Variants in CHRDL1 observed in about 807,000 individuals in gnomAD.
The protein encoded by CHRDL1 is chordin like 1.
Under a neutral mutation model 40.9 loss-of-function variants are expected in CHRDL1, and 19 were observed. The ratio of observed to expected loss-of-function variants is 0.46; its 90% CI spans 0.32 to 0.68. The LOEUF is 0.68. Among genes scored for constraint, CHRDL1 ranks in the 30% least tolerant of loss-of-function variants. The pLI is 0.03. For missense variants in CHRDL1, 329 were observed against 352.1 expected, an observed-to-expected ratio of 0.93 and a Z score of 0.53; for synonymous variants, 136 against 123.4, an observed-to-expected ratio of 1.10 and a Z score of -0.68.
At chrX:110,736,832 G>A (rs926890575) in intron 4 of CHRDL1, among the ~76,000 whole-genome samples, 4 of 112,126 alleles carry the variant, frequency 3.6e-5, no homozygotes, top group African/African-American at 1.3e-4. Flanking sequence ...CTTACACTGA[G>A]CTGGTTCTGT....
At chrX:110,691,521 C>A (rs1325786208) in intron 8 of CHRDL1, among the ~76,000 whole-genome samples, 1 of 110,372 alleles carries the variant, frequency 9.1e-6, no homozygotes, top group African/African-American at 3.3e-5. Flanking sequence ...GTTGGCATCC[C>A]AATCAACAAC....
intron 4 of CHRDL1, among the ~76,000 whole-genome samples, chrX:110,756,767 A>T (rs2089461103): frequency 8.9e-6 from 1 of 112,152 alleles, no homozygotes; most frequent in Non-Finnish European, 1.9e-5. Flanking sequence ...GTAGAAAACC[A>T]AGGAAAATTC....
intron 4 of CHRDL1, among the ~76,000 whole-genome samples, chrX:110,735,287 A>T (rs1308325129): frequency 8.9e-6 from 1 of 112,031 alleles, no homozygotes; most frequent in Non-Finnish European, 1.9e-5. Flanking sequence ...GTCCCTTTCA[A>T]TATGTTAAAA....
chrX:110,746,118 G>T, intron 4 of CHRDL1, among the ~76,000 whole-genome samples: 1 of 111,139 alleles, frequency 9.0e-6, no homozygotes, highest in Middle Eastern at 4.6e-3. Context: ...GGGCAGAAAG[G>T]GTGTGTGTGT....
intron 4 of CHRDL1, among the ~76,000 whole-genome samples, chrX:110,740,713 A>C (rs942872022): frequency 6.3e-5 from 7 of 111,801 alleles, no homozygotes; most frequent in Non-Finnish European, 1.3e-4. Flanking sequence ...TCTCTTCCCC[A>C]AAAGAATGGA....
At chrX:110,737,017 T>C (rs997988138) in intron 4 of CHRDL1, among the ~76,000 whole-genome samples, 13 of 112,129 alleles carry the variant, frequency 1.2e-4, no homozygotes, top group African/African-American at 4.2e-4. Context: ...GGATTTTCCA[T>C]TATCTGAAAC....
intron 8 of CHRDL1, among the ~76,000 whole-genome samples, chrX:110,691,925 CT>C (rs376931792): frequency 5.1e-3 from 520 of 101,448 alleles, no homozygotes; most frequent in South Asian, 9.7e-3. Flanking sequence ...GCCCTTACCT[CT>C]TTTTTTTTTT....
At chrX:110,699,487 A>G (rs1272351084) in intron 7 of CHRDL1, among the ~76,000 whole-genome samples, 1 of 112,263 alleles carries the variant, frequency 8.9e-6, no homozygotes, top group Admixed American at 9.5e-5. Flanking sequence ...TTTTATTACA[A>G]AACTAATTGA....
chrX:110,683,569 A>C (rs2069945710), intron 9 of CHRDL1, among the ~76,000 whole-genome samples: 1 of 112,126 alleles, frequency 8.9e-6, no homozygotes, highest in African/African-American at 3.2e-5. Context: ...ATGGAAATTC[A>C]AGGTATTGGG....
intron 9 of CHRDL1, among the ~76,000 whole-genome samples, chrX:110,686,655 C>T (rs1258357034): frequency 9.1e-6 from 1 of 109,703 alleles, no homozygotes; most frequent in African/African-American, 3.3e-5. Context: ...TGGCCGGATA[C>T]AGTGGCTCAC....
chrX:110,689,656 C>CTATAT lies in CHRDL1; in HGVS notation c.779-854_779-853insATATA, dbSNP rs1556331677. Among the ~76,000 whole-genome samples, 11 of 10,494 alleles carry CTATAT rather than the reference C, an allele frequency of 1.0e-3. 1 individual carries two copies. Among genetic ancestry groups the CTATAT allele is most frequent in the African/African-American group, 4.9e-3 (3 of 613 alleles). The allele number at this position is 10,494 out of a possible 115,157, so 9.1% of individuals were successfully genotyped here. A position where few individuals can be genotyped will look rare whatever the true frequency, so the allele number is the denominator to read the frequency against. On this transcript the variant is annotated intron_variant, in intron 8 of 11. Coordinates refer to ENST00000372042, the MANE Select transcript of CHRDL1 (RefSeq NM_001143981.2). ...TATATATCTATATATATCTATATAT[C>CTATAT]ATCTATATATCTATATATCTATATA...
chrX:110,764,487 T>C (rs1291328402), intron 2 of CHRDL1, among the ~76,000 whole-genome samples: 1 of 112,340 alleles, frequency 8.9e-6, no homozygotes, highest in Non-Finnish European at 1.9e-5. Flanking sequence ...GTTATCTTCG[T>C]AAGCTAAGGA....
At chrX:110,712,963 C>T (rs945749067) in intron 6 of CHRDL1, among the ~76,000 whole-genome samples, 2 of 106,910 alleles carry the variant, frequency 1.9e-5, no homozygotes, top group Non-Finnish European at 3.8e-5. Flanking sequence ...TAGACCCCTA[C>T]AGCCTGGGGA....
chrX:110,732,582 C>T (rs1164919260), intron 4 of CHRDL1, among the ~76,000 whole-genome samples: 1 of 111,728 alleles, frequency 9.0e-6, no homozygotes, highest in Non-Finnish European at 1.9e-5. Flanking sequence ...TCATCCGGAC[C>T]CCATCTGCAG....
At chrX:110,711,123 T>C (rs1200414254) in intron 6 of CHRDL1, among the ~76,000 whole-genome samples, 3 of 112,089 alleles carry the variant, frequency 2.7e-5, no homozygotes, top group African/African-American at 9.7e-5. Context: ...TTTCTAAAAT[T>C]TGTAATTTTT....
At chrX:110,768,768 T>C (rs2089705719) in intron 2 of CHRDL1, among the ~76,000 whole-genome samples, 3 of 110,880 alleles carry the variant, frequency 2.7e-5, no homozygotes, top group Non-Finnish European at 5.7e-5. Flanking sequence ...ACTTTTGAGG[T>C]TTTGGGGCTC....
intron 8 of CHRDL1, among the ~76,000 whole-genome samples, chrX:110,691,925 C>CT (rs376931792): frequency 0.034 from 3,489 of 101,533 alleles, 142 homozygotes; most frequent in African/African-American, 0.11. Flanking sequence ...GCCCTTACCT[C>CT]TTTTTTTTTT....
chrX:110,762,113 A>G lies in CHRDL1; in HGVS notation c.207+582T>C, dbSNP rs764643548. On this transcript the variant is annotated intron_variant, in intron 3 of 11. Transcript: ENST00000372042. ...TTGAGCTTTTGCCTCCACTCCCACTATCAGGCTCTTCTGCCTTCTCTAACC... is the reference window on the plus strand; with the variant it reads ...TTGAGCTTTTGCCTCCACTCCCACTGTCAGGCTCTTCTGCCTTCTCTAACC... Among the ~76,000 whole-genome samples, 9 of 112,306 alleles carry G rather than the reference A, an allele frequency of 8.0e-5. No homozygotes were observed. In the East Asian group the frequency reaches 2.0e-3, roughly 24 times the overall value.
In CHRDL1 at chrX:110,706,649, C is replaced by T. The variant is rs767549512; in HGVS notation, c.542-5928G>A. On this transcript the variant is annotated intron_variant, in intron 6 of 11. Transcript: ENST00000372042. Reference sequence around the variant, plus strand: ...AAGGACTAAGTGTACAATGAGATTCCGAGATACCCATGAAGATAAGCCTCA... The same window carrying T: ...AAGGACTAAGTGTACAATGAGATTCTGAGATACCCATGAAGATAAGCCTCA... Among the ~76,000 whole-genome samples, 5 of 111,859 alleles carry T rather than the reference C, an allele frequency of 4.5e-5. No individual in the cohort carries two copies. In the East Asian group the frequency reaches 1.4e-3, roughly 31 times the overall value.
Sources: gnomAD v4.1 joint callset for allele counts (sites outside exome capture counted in the v4.1 genomes callset) on GRCh38, gnomAD v4.1.1 for gene constraint, MANE v1.5 for transcripts, NCBI Gene and HGNC (gene_info 2026-07-23, HGNC 2026-07-21) for gene names.